TASP1: variants seen among roughly 807,000 people sequenced by gnomAD.
TASP1 encodes taspase 1, also known as threonine aspartase 1.
TASP1 carries 16 observed loss-of-function variants against 56.6 expected under a neutral mutation model. The observed-to-expected ratio is 0.28, with a 90% CI of 0.19 to 0.43. TASP1 has a LOEUF of 0.43. TASP1 is among the 20% of genes least tolerant of loss of function. The pLI is 1.00. For synonymous variants in TASP1, 179 were observed against 184.2 expected (o/e 0.97, Z 0.23); for missense variants, 393 against 511.6 (o/e 0.77, Z 2.24).
At chr20:13,494,289 TA>T (rs1459325378) in intron 10 of TASP1, among the ~76,000 whole-genome samples, 1 of 152,200 alleles carries the variant, frequency 6.6e-6, no homozygotes, top group Non-Finnish European at 1.5e-5. Flanking sequence ...GGCTTAGCTT[TA>T]ATAGTTTTAT....
chr20:13,442,680 G>C (rs113404140), intron 11 of TASP1, among the ~76,000 whole-genome samples: 12 of 145,040 alleles, frequency 8.3e-5, no homozygotes, highest in African/African-American at 3.4e-4. Context: ...AACAGAGACA[G>C]AGAGAGAATG....
chr20:13,275,292 G>A, the TASP1 span, among the ~76,000 whole-genome samples: 1 of 152,144 alleles, frequency 6.6e-6, no homozygotes, highest in Non-Finnish European at 1.5e-5. Context: ...GATACAATCA[G>A]ATGAGTTGGC....
At chr20:13,569,782 T>C (rs914165903) in intron 6 of TASP1, among the ~76,000 whole-genome samples, 196 bp from the exon 7 acceptor site, 1 of 152,050 alleles carries the variant, frequency 6.6e-6, no homozygotes, top group African/African-American at 2.4e-5. Flanking sequence ...AATTTTACAA[T>C]TGGAATGTTA....
intron 11 of TASP1, among the ~76,000 whole-genome samples, chr20:13,468,835 C>T (rs948424667): frequency 1.4e-5 from 2 of 147,420 alleles, no homozygotes; most frequent in African/African-American, 2.5e-5. Context: ...AATATGGAGA[C>T]AAGAATTTTT....
chr20:13,609,215 G>A (rs1014159916), intron 4 of TASP1, among the ~76,000 whole-genome samples: 4 of 152,058 alleles, frequency 2.6e-5, no homozygotes, highest in Non-Finnish European at 5.9e-5. Context: ...GATCATCAGC[G>A]AAATGAAAAC....
chr20:13,382,934 T>C, the TASP1 span, among the ~76,000 whole-genome samples: 75,855 of 151,992 alleles, frequency 0.5, 20,361 homozygotes, highest in Non-Finnish European at 0.6. Context: ...AGGGACGACC[T>C]TGCCAAGAAG....
At chr20:13,287,421 G>A in the TASP1 span, among the ~76,000 whole-genome samples, 1 of 152,108 alleles carries the variant, frequency 6.6e-6, no homozygotes, top group Non-Finnish European at 1.5e-5. Context: ...TGACACATAG[G>A]AATTATTACA....
At chr20:13,374,625 G>A in the TASP1 span, among the ~76,000 whole-genome samples, 1 of 152,192 alleles carries the variant, frequency 6.6e-6, no homozygotes, top group Admixed American at 6.5e-5. Context: ...TGGGATTACA[G>A]ACATGAGCCA....
the TASP1 span, chr20:13,270,442 A>G: frequency 6.5e-7 from 1 of 1,538,998 alleles, no homozygotes; most frequent in Non-Finnish European, 8.8e-7. Flanking sequence ...ATGGACTGTT[A>G]AGGGTGACAT....
At chr20:13,222,095 G>A in the TASP1 span, among the ~76,000 whole-genome samples, 1 of 152,198 alleles carries the variant, frequency 6.6e-6, no homozygotes, top group East Asian at 1.9e-4. Context: ...GGGGGCACGT[G>A]CCTGGAGGCT....
chr20:13,504,346 A>G (rs1401928380), intron 10 of TASP1, among the ~76,000 whole-genome samples: 3 of 152,142 alleles, frequency 2.0e-5, no homozygotes, highest in Non-Finnish European at 2.9e-5. Flanking sequence ...AATCCTGCCA[A>G]CCGAGAATAT....
the TASP1 span, among the ~76,000 whole-genome samples, chr20:13,248,268 G>T: frequency 1.3e-5 from 2 of 152,128 alleles, no homozygotes; most frequent in African/African-American, 4.8e-5. Flanking sequence ...AGCAACAAGG[G>T]ATCTGATATC....
chr20:13,199,171 G>A, the TASP1 span, among the ~76,000 whole-genome samples: 90 of 151,842 alleles, frequency 5.9e-4, 1 homozygote, highest in South Asian at 1.5e-3. Context: ...CCAAAGTTCT[G>A]GGATTATAGG....
the TASP1 span, chr20:13,239,542 A>C: frequency 1.3e-5 from 2 of 152,190 alleles, no homozygotes; most frequent in African/African-American, 2.4e-5. Context: ...ATCTACATGA[A>C]GTACCTTTTG....
In TASP1 at chr20:13,597,840, G is replaced by C. The variant is rs1167745379; in HGVS notation, c.283-10470C>G. Among the ~76,000 whole-genome samples the C allele has an allele frequency of 1.4e-4, 22 of 152,218 alleles. 1 individual carries two copies. The highest frequency in any genetic ancestry group is 1.9e-4 in the East Asian group (1 of 5,192). ...ATAAGCAACTTCAGCAAAGTCTCAGGATACAAAATCAATGTGCAAAAATCA... is the reference window on the plus strand; with the variant it reads ...ATAAGCAACTTCAGCAAAGTCTCAGCATACAAAATCAATGTGCAAAAATCA... On this transcript the variant is annotated intron_variant, in intron 4 of 13. Coordinates refer to ENST00000337743, the MANE Select transcript of TASP1 (RefSeq NM_017714.3).
intron 7 of TASP1, among the ~76,000 whole-genome samples, chr20:13,563,921 A>G (rs893735168): frequency 6.6e-6 from 1 of 152,232 alleles, no homozygotes; most frequent in African/African-American, 2.4e-5. Flanking sequence ...AAAATATGAA[A>G]AGCCCACAAC....
At chr20:13,570,072 T>C (rs969631049) in intron 6 of TASP1, among the ~76,000 whole-genome samples, 1 of 152,238 alleles carries the variant, frequency 6.6e-6, no homozygotes, top group South Asian at 2.1e-4. Context: ...TAAGCCCTGA[T>C]GCAACGAAAA....
At chr20:13,170,845 C>T in the TASP1 span, among the ~76,000 whole-genome samples, 2 of 152,260 alleles carry the variant, frequency 1.3e-5, no homozygotes, top group Admixed American at 6.5e-5. Context: ...GTTTCTCCAG[C>T]CCAAATGTGT....
At chr20:13,131,914 T>C in the TASP1 span, among the ~76,000 whole-genome samples, 2 of 152,110 alleles carry the variant, frequency 1.3e-5, no homozygotes, top group Non-Finnish European at 2.9e-5. Context: ...TGGTCCTCCA[T>C]ATACCCTGCC....
Sources: allele counts gnomAD v4.1 joint callset (sites outside exome capture counted in the v4.1 genomes callset), GRCh38; gene constraint gnomAD v4.1.1; transcripts MANE v1.5; gene names NCBI Gene and HGNC (gene_info 2026-07-23, HGNC 2026-07-21).